The following XPNPEP3 variants were observed in gnomAD, a reference collection of about 807,000 sequenced individuals.
The protein encoded by XPNPEP3 is xaa-Pro aminopeptidase 3.
In XPNPEP3, 41 loss-of-function variants were observed where a neutral mutation model predicts 60.0. The ratio of observed to expected loss-of-function variants is 0.68; its 90% CI spans 0.53 to 0.89. XPNPEP3 has a LOEUF of 0.89. XPNPEP3 is among the 40% of genes least tolerant of loss of function. The pLI is 0.00. For missense variants in XPNPEP3, 598 were observed against 638.9 expected, an observed-to-expected ratio of 0.94 and a Z score of 0.69; for synonymous variants, 212 against 223.2, an observed-to-expected ratio of 0.95 and a Z score of 0.45.
intron 4 of XPNPEP3, among the ~76,000 whole-genome samples, chr22:40,903,499 T>A (rs2058142674): frequency 6.6e-6 from 1 of 152,012 alleles, no homozygotes; most frequent in Non-Finnish European, 1.5e-5. Flanking sequence ...ATTGATTTTT[T>A]TTTTTTTTTA....
chr22:40,857,917 A>G (rs2057912642), intron 1 of XPNPEP3, among the ~76,000 whole-genome samples: 2 of 152,338 alleles, frequency 1.3e-5, no homozygotes, highest in Non-Finnish European at 1.5e-5. Flanking sequence ...TTTGACATCA[A>G]AGCTATGTCT....
chr22:40,898,548 C>T (rs553382339), intron 4 of XPNPEP3, among the ~76,000 whole-genome samples: 8 of 133,504 alleles, frequency 6.0e-5, no homozygotes, highest in Non-Finnish European at 3.0e-5. Context: ...CCACCGCGCC[C>T]GGCCGACCCA....
At chr22:40,912,923 T>C (rs1310270458) in intron 6 of XPNPEP3, among the ~76,000 whole-genome samples, 1 of 152,160 alleles carries the variant, frequency 6.6e-6, no homozygotes, top group Non-Finnish European at 1.5e-5. Flanking sequence ...TTTAGTTGTT[T>C]ACTAACAGAA....
chr22:40,904,979 G>T (rs2058148948), intron 4 of XPNPEP3, among the ~76,000 whole-genome samples: 1 of 152,098 alleles, frequency 6.6e-6, no homozygotes, highest in Non-Finnish European at 1.5e-5. Flanking sequence ...ATGTTGGCCA[G>T]GCTGGTCTCG....
chr22:40,861,070 A>C, intron 1 of XPNPEP3: 1 of 1,580,622 alleles, frequency 6.3e-7, no homozygotes, highest in Non-Finnish European at 8.6e-7. Context: ...TCAATTTAAC[A>C]ATTCCTTTTG....
chr22:40,860,990 G>A, intron 1 of XPNPEP3: 1 of 1,365,910 alleles, frequency 7.3e-7, no homozygotes, highest in Admixed American at 2.3e-5. Flanking sequence ...ATAGTATTAA[G>A]TGTTATCTAC....
chr22:40,867,954 AC>A (rs906192416), intron 1 of XPNPEP3, among the ~76,000 whole-genome samples: 13 of 150,598 alleles, frequency 8.6e-5, no homozygotes, highest in Admixed American at 4.6e-4. Context: ...AAAAAAAAAA[AC>A]CCAACAAACA....
At chr22:40,873,542 G>A (rs1332069580) in intron 2 of XPNPEP3, among the ~76,000 whole-genome samples, 1 of 152,124 alleles carries the variant, frequency 6.6e-6, no homozygotes, top group Non-Finnish European at 1.5e-5. Context: ...GCAGAAGCCA[G>A]GTGCGGTGGC....
At chr22:40,862,367 G>A (rs757049957) in intron 1 of XPNPEP3, 1 of 1,004,920 alleles carries the variant, frequency 1.0e-6, no homozygotes, top group Admixed American at 5.8e-5. Context: ...AATAGCCACA[G>A]CATATCCCTT....
intron 2 of XPNPEP3, among the ~76,000 whole-genome samples, chr22:40,875,955 G>A (rs956628473): frequency 6.6e-6 from 1 of 152,128 alleles, no homozygotes; most frequent in Non-Finnish European, 1.5e-5. Flanking sequence ...AGGAGTCAGA[G>A]GTTGCAGTGA....
chr22:40,887,490 G>C (rs1249320044), intron 4 of XPNPEP3, among the ~76,000 whole-genome samples: 1 of 152,178 alleles, frequency 6.6e-6, no homozygotes, highest in East Asian at 1.9e-4. Flanking sequence ...CATTTCTGGT[G>C]AGGGCTCTCC....
intron 2 of XPNPEP3, among the ~76,000 whole-genome samples, chr22:40,870,754 C>T (rs1169013792): frequency 6.6e-6 from 1 of 152,088 alleles, no homozygotes; most frequent in African/African-American, 2.4e-5. Flanking sequence ...CGCAGTGGCT[C>T]ATACATGTAA....
chr22:40,879,610 G>A (rs1337017409), intron 2 of XPNPEP3, among the ~76,000 whole-genome samples: 3 of 152,158 alleles, frequency 2.0e-5, no homozygotes, highest in East Asian at 1.9e-4. Context: ...GGGAGGACTA[G>A]GCGGGCAGAT....
At chr22:40,870,706 G>A (rs1241297784) in intron 2 of XPNPEP3, among the ~76,000 whole-genome samples, 1 of 152,130 alleles carries the variant, frequency 6.6e-6, no homozygotes, top group Non-Finnish European at 1.5e-5. Context: ...GTAGGGTGAA[G>A]CAGAGTAAAT....
At chr22:40,882,634 T>TA (rs11394420) in intron 3 of XPNPEP3, among the ~76,000 whole-genome samples, 11,148 of 140,666 alleles carry the variant, frequency 0.079, 1,310 homozygotes, top group African/African-American at 0.27. Context: ...AAGACTGTCT[T>TA]AAAAAAAAAA....
At chr22:40,924,579 AGTGGT>A in intron 9 of XPNPEP3, 97 bp downstream of exon 9, 1 of 1,532,682 alleles carries the variant, frequency 6.5e-7, no homozygotes, top group Admixed American at 1.9e-5. Flanking sequence ...GCTGGAGTGA[AGTGGT>A]GTGATCTTCA....
intron 9 of XPNPEP3, among the ~76,000 whole-genome samples, chr22:40,925,246 C>T (rs1029465963): frequency 2.0e-5 from 3 of 152,176 alleles, no homozygotes; most frequent in African/African-American, 2.4e-5. Context: ...CAATCGGATA[C>T]GTTACCTAAC....
intron 4 of XPNPEP3, among the ~76,000 whole-genome samples, chr22:40,902,307 G>A (rs2058137264): frequency 7.0e-6 from 1 of 143,688 alleles, no homozygotes; most frequent in Non-Finnish European, 1.5e-5. Flanking sequence ...CTGGAGTGCA[G>A]TGGCGCGATC....
chr22:40,880,865 G>A (rs1036714230), intron 2 of XPNPEP3, among the ~76,000 whole-genome samples: 102 of 151,798 alleles, frequency 6.7e-4, no homozygotes, highest in African/African-American at 2.4e-3. Context: ...AATCTCTGCA[G>A]TAGGCAAATC....
Sources: gnomAD v4.1 joint callset for allele counts (sites outside exome capture counted in the v4.1 genomes callset) on GRCh38, gnomAD v4.1.1 for gene constraint, MANE v1.5 for transcripts, NCBI Gene and HGNC (gene_info 2026-07-23, HGNC 2026-07-21) for gene names.